CGNL1: variants seen among roughly 807,000 people sequenced by gnomAD.
CGNL1 encodes the protein cingulin-like protein 1.
In CGNL1, 132 loss-of-function variants were observed where a neutral mutation model predicts 141.2. The observed-to-expected ratio is 0.93, with a 90% CI of 0.81 to 1.08. The LOEUF is 1.08. Among genes scored for constraint, CGNL1 ranks in the 50% least tolerant of loss-of-function variants. CGNL1 has a pLI of 0.00. For missense variants in CGNL1, 1,870 were observed against 1,588.6 expected (o/e 1.18, Z -3.01); for synonymous variants, 690 against 622.1 (o/e 1.11, Z -1.63).
intron 10 of CGNL1, among the ~76,000 whole-genome samples, chr15:57,519,746 T>A (rs1567166657): frequency 6.6e-6 from 1 of 152,126 alleles, no homozygotes; most frequent in African/African-American, 2.4e-5. Context: ...GGGTTTAAAT[T>A]TGTGAGCTGG....
intron 1 of CGNL1, among the ~76,000 whole-genome samples, chr15:57,408,502 G>C (rs117272224): frequency 0.027 from 4,166 of 152,192 alleles, 165 homozygotes; most frequent in Admixed American, 0.1. Flanking sequence ...CAAACCTCTG[G>C]ATATTAGTCC....
At chr15:57,457,085 A>ATTCTTTGTCG (rs2063389082) in intron 7 of CGNL1, among the ~76,000 whole-genome samples, 1 of 152,140 alleles carries the variant, frequency 6.6e-6, no homozygotes, top group South Asian at 2.1e-4. Context: ...AAATGACAGA[A>ATTCTTTGTCG]TTCTTTGTCA....
intron 1 of CGNL1, among the ~76,000 whole-genome samples, chr15:57,410,152 G>GA (rs1312537132): frequency 1.8e-4 from 28 of 152,208 alleles, no homozygotes; most frequent in African/African-American, 6.8e-4. Context: ...CCTGGCCTAG[G>GA]AAAGGAGGCA....
chr15:57,544,987 G>C (rs1157376865), intron 16 of CGNL1, among the ~76,000 whole-genome samples: 1 of 152,202 alleles, frequency 6.6e-6, no homozygotes, highest in Non-Finnish European at 1.5e-5. Context: ...GTGTATTTAA[G>C]CAGAGGCTGA....
At chr15:57,475,913 T>A (rs2063650775) in intron 8 of CGNL1, among the ~76,000 whole-genome samples, 1 of 152,190 alleles carries the variant, frequency 6.6e-6, no homozygotes, top group South Asian at 2.1e-4. Context: ...CATCTCCTTC[T>A]TGGGTCCACC....
intron 10 of CGNL1, among the ~76,000 whole-genome samples, chr15:57,518,732 G>A (rs150096818): frequency 2.5e-3 from 383 of 152,330 alleles, no homozygotes; most frequent in Non-Finnish European, 4.4e-3. Context: ...TGCTACTGGC[G>A]CCTCGTGGGT....
chr15:57,443,348 G>A (rs374147946), intron 4 of CGNL1, among the ~76,000 whole-genome samples: 3 of 152,152 alleles, frequency 2.0e-5, no homozygotes, highest in East Asian at 1.9e-4. Flanking sequence ...AAGAGAGTAC[G>A]GCTAAACACT....
intron 10 of CGNL1, among the ~76,000 whole-genome samples, chr15:57,520,988 A>C (rs1342337259): frequency 6.6e-6 from 1 of 152,046 alleles, no homozygotes; most frequent in Non-Finnish European, 1.5e-5. Flanking sequence ...AAGGACACTC[A>C]CCCTACATCT....
At chr15:57,476,043 C>A (rs768138566) in intron 8 of CGNL1, among the ~76,000 whole-genome samples, 4 of 152,140 alleles carry the variant, frequency 2.6e-5, no homozygotes, top group Admixed American at 6.6e-5. Context: ...AAGCATCATG[C>A]GAAATCTGGG....
At chr15:57,488,205 G>T (rs1289383163) in intron 8 of CGNL1, among the ~76,000 whole-genome samples, 2 of 152,046 alleles carry the variant, frequency 1.3e-5, no homozygotes, top group African/African-American at 4.8e-5. Flanking sequence ...GTCTTCTTTG[G>T]AGAGCTATCT....
intron 1 of CGNL1, among the ~76,000 whole-genome samples, chr15:57,435,761 A>G (rs2063099218): frequency 1.3e-5 from 2 of 152,144 alleles, no homozygotes; most frequent in South Asian, 4.1e-4. Context: ...GAGAGACAAA[A>G]CAAGTAAAGA....
intron 1 of CGNL1, chr15:57,402,188 C>G (rs570072840): frequency 1.3e-5 from 2 of 152,340 alleles, no homozygotes; most frequent in African/African-American, 4.8e-5. Flanking sequence ...TGGCTTGGTG[C>G]TCTCCCCATA....
At chr15:57,547,131 G>C (rs2032910623) in intron 18 of CGNL1, among the ~76,000 whole-genome samples, 1 of 152,226 alleles carries the variant, frequency 6.6e-6, no homozygotes. Context: ...TCCTATCCCA[G>C]CCTGGCCCAC....
intron 16 of CGNL1, among the ~76,000 whole-genome samples, chr15:57,544,840 C>T (rs1320124681): frequency 1.3e-5 from 2 of 152,170 alleles, no homozygotes; most frequent in Non-Finnish European, 2.9e-5. Context: ...GTTTAGGACC[C>T]CCACTTCTCA....
At chr15:57,505,478 C>G (rs1471787698) in intron 8 of CGNL1, among the ~76,000 whole-genome samples, 1 of 152,116 alleles carries the variant, frequency 6.6e-6, no homozygotes, top group Non-Finnish European at 1.5e-5. Context: ...ACCCAGGTAG[C>G]CTGGCCTTGC....
intron 1 of CGNL1, among the ~76,000 whole-genome samples, chr15:57,419,098 A>T (rs1478786654): frequency 6.6e-6 from 1 of 151,980 alleles, no homozygotes; most frequent in African/African-American, 2.4e-5. Context: ...CGCCCGGCTA[A>T]TTTTTGTATT....
In CGNL1 at chr15:57,453,618, A is replaced by G; in HGVS notation, c.2055-65A>G. ...TTGTGTAACCCTCTGAAGATCAGAAATCAGACTGGATGGAAATAAGCAGAG... is the reference window on the plus strand; with the variant it reads ...TTGTGTAACCCTCTGAAGATCAGAAGTCAGACTGGATGGAAATAAGCAGAG... On this transcript the variant is annotated intron_variant, in intron 6 of 18. Transcript: ENST00000281282. 4 of 1,594,512 alleles carry G rather than the reference A, an allele frequency of 2.5e-6. 1 individual carries two copies. In the South Asian group the frequency reaches 3.4e-5, roughly 14 times the overall value.
At chr15:57,522,600 C>A (rs1490211438) in intron 10 of CGNL1, among the ~76,000 whole-genome samples, 2 of 152,166 alleles carry the variant, frequency 1.3e-5, no homozygotes, top group African/African-American at 4.8e-5. Context: ...TGTGCGTCTT[C>A]TTATTATCCT....
At chr15:57,515,772 C>A (rs548740251) in intron 8 of CGNL1, among the ~76,000 whole-genome samples, 1 of 152,288 alleles carries the variant, frequency 6.6e-6, no homozygotes, top group African/African-American at 2.4e-5. Context: ...ACACTGTGAA[C>A]TGTATCCTAA....
Sources: allele counts gnomAD v4.1 joint callset (sites outside exome capture counted in the v4.1 genomes callset), GRCh38; gene constraint gnomAD v4.1.1; transcripts MANE v1.5; gene names NCBI Gene and HGNC (gene_info 2026-07-23, HGNC 2026-07-21).